The following RAB11FIP5 variants were observed in gnomAD, a reference collection of about 807,000 sequenced individuals.
The protein encoded by RAB11FIP5 is rab11 family-interacting protein 5.
A neutral mutation model predicts 85.1 loss-of-function variants in RAB11FIP5; 48 were observed. The ratio of observed to expected loss-of-function variants is 0.56; its 90% confidence interval spans 0.45 to 0.72. The LOEUF (loss-of-function observed/expected upper bound fraction) is 0.72, where lower values mean the gene tolerates loss of function less well. Among genes scored for constraint, RAB11FIP5 ranks in the 30% least tolerant of loss-of-function variants. RAB11FIP5 has a pLI of 0.00. For synonymous variants in RAB11FIP5, 729 were observed against 727.3 expected, an observed-to-expected ratio of 1.00 and a Z score of -0.04; for missense variants, 1,491 against 1,687.0, an observed-to-expected ratio of 0.88 and a Z score of 2.04.
chr2:73,086,791 CG>C lies in RAB11FIP5; in HGVS notation c.1568+1258del, dbSNP rs1684097015. ...TCACCTGAGCTCTGGTGAGTAGGGG[CG>C]GGGCAGTAGGGACAGGAGCTGCCAT... On this transcript the variant is annotated intron_variant, in intron 3 of 5. Coordinates refer to ENST00000486777, the MANE Select transcript of RAB11FIP5 (RefSeq NM_001371272.1). The surrounding 1 kb of genome is among the most constrained non-coding windows in gnomAD (Gnocchi z 4.4). 6.6e-6 allele frequency among the ~76,000 whole-genome samples: 1 copy of C among 152,136 alleles called. No individual in the cohort carries two copies. Among genetic ancestry groups the C allele is most frequent in the Non-Finnish European group, 1.5e-5 (1 of 68,024 alleles).
At chr2:73,102,176 T>G (rs140643986) in intron 1 of RAB11FIP5, among the ~76,000 whole-genome samples, 21 of 152,006 alleles carry the variant, frequency 1.4e-4, no homozygotes, top group African/African-American at 4.6e-4. Context: ...ACTGCAGAAG[T>G]GCAGGCAGGA....
intron 1 of RAB11FIP5, among the ~76,000 whole-genome samples, chr2:73,109,037 A>G (rs571215985): frequency 3.2e-4 from 48 of 152,028 alleles, no homozygotes; most frequent in African/African-American, 1.0e-3. Flanking sequence ...AGAGTGAGAC[A>G]CTGTCTCAAA....
rs1392076807 is a variant in RAB11FIP5, at chr2:73,086,546, C to T, written c.1568+1504G>A. ...CCAGAAAAGGCCCAGAGACACCGTACGCACAACCACACTGAGCCTGTGCTC... is the reference window on the plus strand; with the variant it reads ...CCAGAAAAGGCCCAGAGACACCGTATGCACAACCACACTGAGCCTGTGCTC... On this transcript the variant is annotated intron_variant, in intron 3 of 5. Coordinates refer to ENST00000486777, the MANE Select transcript of RAB11FIP5 (RefSeq NM_001371272.1). The surrounding 1 kb of genome is among the most constrained non-coding windows in gnomAD (Gnocchi z 4.4). Among the ~76,000 whole-genome samples, 3 of 152,204 alleles carry T rather than the reference C, an allele frequency of 2.0e-5. No homozygotes were observed. Among genetic ancestry groups the T allele is most frequent in the Admixed American group, 6.5e-5 (1 of 15,286 alleles).
At position 73,081,311 on chromosome 2, in the gene RAB11FIP5, G is replaced by T; in HGVS notation, c.1921C>A (p.Pro641Thr). 16 of 1,232,782 alleles carry T rather than the reference G, an allele frequency of 1.3e-5. No individual in the cohort carries two copies. Among genetic ancestry groups the T allele is most frequent in the Non-Finnish European group, 1.6e-5 (16 of 988,446 alleles). The allele number at this position is 1,232,782 out of a possible 1,614,324, so 76.4% of individuals were successfully genotyped here. The change falls in exon 4 of 6, where the codon CCT (proline) becomes ACT (threonine). Residue 641 changes from proline (P) to threonine (T), a missense_variant. By Grantham distance (38) the Pro-to-Thr change is conservative (BLOSUM62 -1). Around this residue, in one of 3 missense-constraint regions of RAB11FIP5, gnomAD observed 1,211 missense variants for 1,338.0 expected, o/e 0.91. Transcript: ENST00000486777. The surrounding 1 kb of genome is among the most constrained non-coding windows in gnomAD (Gnocchi z 4.2). ...TCCCACTCAGGCAGGGCTTTCCCAG[G>T]GGAGGCCAGGGGGGTGGGGCTGGCC... ...SRASPTPLAS[P>T]GKALPEWDNT...
chr2:73,085,512 T>A (rs182644357), intron 3 of RAB11FIP5, among the ~76,000 whole-genome samples: 1 of 152,278 alleles, frequency 6.6e-6, no homozygotes, highest in Non-Finnish European at 1.5e-5. Context: ...TAGCCTGTGC[T>A]GCAGCTCAGT....
Position 73,079,729 on chromosome 2 carries a change from G to T in RAB11FIP5, c.3503C>A (p.Ala1168Asp), listed in dbSNP as rs1417813276. Residue 1168 changes from alanine to aspartate, a missense_variant, in exon 4 of 6, where the codon GCT (alanine) becomes GAT (aspartate). Ala to Asp is a moderately radical substitution (Grantham distance 126). Around this residue, in one of 3 missense-constraint regions of RAB11FIP5, gnomAD observed 232 missense variants for 259.1 expected, o/e 0.90. Coordinates refer to ENST00000486777, the MANE Select transcript of RAB11FIP5 (RefSeq NM_001371272.1). Reference protein sequence around the residue: ...GSPALLREDLAAATPASPLVL... With the variant: ...GSPALLREDLDAATPASPLVL... ...AAGCGGGGAGGCTGGGGTGGCTGCA[G>T]CGAGGTCCTCCCTAAGTAGGGCAGG... 12 of 1,233,030 alleles carry T rather than the reference G, an allele frequency of 9.7e-6. No individual in the cohort carries two copies. The highest frequency in any genetic ancestry group is 9.1e-6 in the Non-Finnish European group (9 of 988,794). 76.4% of individuals were successfully genotyped at this position (1,233,030 alleles called of 1,614,324 possible).
At position 73,089,151 on chromosome 2, in the gene RAB11FIP5, C is replaced by G. The variant is rs1684156923; in HGVS notation, c.596G>C (p.Gly199Ala). ...PFSKIRDKMKGKKKYDLESAS... is the reference protein window; with the variant it reads ...PFSKIRDKMKAKKKYDLESAS... ...AGATTCCAGATCATACTTCTTCTTGCCCTTCATCTTGTCCCTGATCTTGCT... is the reference window on the plus strand; with the variant it reads ...AGATTCCAGATCATACTTCTTCTTGGCCTTCATCTTGTCCCTGATCTTGCT... The change falls in exon 2 of 6, where the codon GGC becomes GCC. Residue 199 changes from glycine to alanine, a missense_variant. By Grantham distance (60) the Gly-to-Ala change is moderately conservative. Coordinates refer to ENST00000486777, the MANE Select transcript of RAB11FIP5 (RefSeq NM_001371272.1). This position sits in a 1 kb window ranked among gnomAD's most constrained non-coding sequence, Gnocchi z 4.6. The G allele has an allele frequency of 1.9e-6, 3 of 1,614,108 alleles. No homozygotes were observed. In the African/African-American group the frequency reaches 4.0e-5, roughly 22 times the overall value.
chr2:73,105,292 G>C (rs144426183), intron 1 of RAB11FIP5, among the ~76,000 whole-genome samples: 206 of 152,128 alleles, frequency 1.4e-3, no homozygotes, highest in African/African-American at 4.7e-3. Context: ...ACCCAGGCTG[G>C]AGTGCAGTGG....
At chr2:73,087,878 A>G (rs1466722956) in intron 3 of RAB11FIP5, among the ~76,000 whole-genome samples, 172 bp downstream of exon 3, 2 of 152,122 alleles carry the variant, frequency 1.3e-5, no homozygotes, top group Non-Finnish European at 2.9e-5. Flanking sequence ...TGTGTCCGTG[A>G]GCACAGAACG....
rs758246346 is a variant in RAB11FIP5 at position 73,081,806 on chromosome 2, A to G, written c.1569-143T>C. The stretch of plus-strand genomic sequence containing the variant: ...GATTTACCTACTTGGGCCAGGGTAC[A>G]GAGGGAAGACCCCAACATGTAACAT... On this transcript the variant is annotated intron_variant, in intron 3 of 5. Coordinates refer to ENST00000486777, the MANE Select transcript of RAB11FIP5 (RefSeq NM_001371272.1). The surrounding 1 kb of genome is among the most constrained non-coding windows in gnomAD (Gnocchi z 4.2). 5 of 720,442 alleles carry G rather than the reference A, an allele frequency of 6.9e-6. No individual in the cohort carries two copies. The highest frequency in any genetic ancestry group is 9.6e-6 in the Non-Finnish European group (5 of 521,504). 44.6% of individuals were successfully genotyped at this position (720,442 alleles called of 1,614,324 possible). A position where few individuals can be genotyped will look rare whatever the true frequency, so the allele number is the denominator to read the frequency against.
In RAB11FIP5 at chr2:73,075,599, G is replaced by A; in HGVS notation, c.3897C>T (p.Ser1299=). 1 of 1,614,156 alleles carries A rather than the reference G, an allele frequency of 6.2e-7. No individual in the cohort carries two copies. Among genetic ancestry groups the A allele is most frequent in the Non-Finnish European group, 8.5e-7 (1 of 1,180,008 alleles). The change falls in exon 6 of 6, where the codon AGC becomes AGT. Residue 1299 remains serine, a synonymous_variant. Transcript: ENST00000486777. This position sits in a 1 kb window ranked among gnomAD's most constrained non-coding sequence, Gnocchi z 4.6. Reference sequence around the variant, plus strand: ...TCCGCACCAGCAGCCGGTCGATGTAGCTCTCCAGCTCCTGCACATGCTCGT... The same window carrying A: ...TCCGCACCAGCAGCCGGTCGATGTAACTCTCCAGCTCCTGCACATGCTCGT... ...QRDEHVQELE[S]YIDRLLVRIM...
intron 1 of RAB11FIP5, among the ~76,000 whole-genome samples, chr2:73,110,729 T>C (rs1684639609): frequency 6.6e-6 from 1 of 152,042 alleles, no homozygotes; most frequent in African/African-American, 2.4e-5. Flanking sequence ...GGGCAGGAAC[T>C]GGAAAAAACA....
intron 1 of RAB11FIP5, among the ~76,000 whole-genome samples, chr2:73,094,556 CTA>C (rs1362715364): frequency 6.6e-6 from 1 of 152,160 alleles, no homozygotes; most frequent in Non-Finnish European, 1.5e-5. Flanking sequence ...GCCTGGTTAT[CTA>C]TATTTCTCAG....
In RAB11FIP5 at chr2:73,079,760, C is replaced by T. The variant is rs1446558723; in HGVS notation, c.3472G>A (p.Gly1158Ser). Residue 1158 changes from glycine (G) to serine (S), a missense_variant, in exon 4 of 6, where the codon GGC becomes AGC. Gly to Ser is a moderately conservative substitution (Grantham distance 56). This residue lies in a region of RAB11FIP5 where 232 missense variants were observed against 259.1 expected (regional missense o/e 0.90). Transcript: ENST00000486777. ...TCCTCCCTAAGTAGGGCAGGGGAGC[C>T]CCCAGGTGGGGAGGGCTCATGGGGG... ...PGPHEPSPPG[G>S]SPALLREDLA... 5 of 1,232,386 alleles carry T rather than the reference C, an allele frequency of 4.1e-6. No homozygotes were observed. In the East Asian group the frequency reaches 1.3e-4, roughly 31 times the overall value. The allele number at this position is 1,232,386 out of a possible 1,614,324, so 76.3% of individuals were successfully genotyped here. A position where few individuals can be genotyped will look rare whatever the true frequency, so the allele number is the denominator to read the frequency against.
chr2:73,100,026 G>A (rs867725540), intron 1 of RAB11FIP5, among the ~76,000 whole-genome samples: 2 of 152,196 alleles, frequency 1.3e-5, no homozygotes, highest in African/African-American at 4.8e-5. Flanking sequence ...TACTGGGTGG[G>A]AGAGTCTTCT....
intron 1 of RAB11FIP5, among the ~76,000 whole-genome samples, chr2:73,101,306 G>T (rs970582123): frequency 4.7e-4 from 72 of 152,020 alleles, no homozygotes; most frequent in African/African-American, 1.7e-3. Flanking sequence ...GGAGGGGCGG[G>T]AACTTCCAAA....
rs376414659 is a variant in RAB11FIP5 at position 73,080,961 on chromosome 2, T to C, written c.2271A>G (p.Leu757=). 5.9e-4 allele frequency: 726 copies of C among 1,232,274 alleles called. 5 individuals are homozygous for C. In the African/African-American group the frequency reaches 0.011, roughly 18 times the overall value. 76.3% of individuals were successfully genotyped at this position (1,232,274 alleles called of 1,614,324 possible). A position where few individuals can be genotyped will look rare whatever the true frequency, so the allele number is the denominator to read the frequency against. ...GAGLPSSSAQ[L]QLRASGSEPD... Reference sequence around the variant, plus strand: ...GTTCTGAGCCTGAGGCTCTCAGCTGTAGCTGGGCTGACGAGGAGGGCAGGC... The same window carrying C: ...GTTCTGAGCCTGAGGCTCTCAGCTGCAGCTGGGCTGACGAGGAGGGCAGGC... Residue 757 remains leucine (L), a synonymous_variant, in exon 4 of 6, where the codon CTA becomes CTG. Transcript: ENST00000486777.
intron 1 of RAB11FIP5, among the ~76,000 whole-genome samples, chr2:73,091,563 T>C (rs1684210150): frequency 6.6e-6 from 1 of 152,208 alleles, no homozygotes; most frequent in South Asian, 2.1e-4. Context: ...CCTGAGCTTC[T>C]GGTGGACACA....
At chr2:73,090,035 C>T (rs1684179929) in intron 1 of RAB11FIP5, among the ~76,000 whole-genome samples, 1 of 152,148 alleles carries the variant, frequency 6.6e-6, no homozygotes, top group Admixed American at 6.5e-5. Context: ...ATCTGTTGAG[C>T]ATCTATGGTG....
Sources: gnomAD v4.1 joint callset for allele counts (sites outside exome capture counted in the v4.1 genomes callset) on GRCh38, gnomAD v4.1.1 for gene constraint, gnomAD v4.1.1 regional missense constraint, Gnocchi (gnomAD v3.1) non-coding constraint, MANE v1.5 for transcripts, NCBI Gene and HGNC (gene_info 2026-07-23, HGNC 2026-07-21) for gene names.